SLC38A4: variants seen among roughly 807,000 people sequenced by gnomAD.
SLC38A4 encodes solute carrier family 38 member 4, also known as sodium-coupled neutral amino acid transporter 4.
In SLC38A4, 20 loss-of-function variants were observed where a neutral mutation model predicts 63.1. That is an observed-to-expected ratio of 0.32 (90% confidence interval 0.22 to 0.46). The LOEUF (loss-of-function observed/expected upper bound fraction) is 0.46, where lower values mean the gene tolerates loss of function less well. SLC38A4 is among the 20% of genes least tolerant of loss of function. SLC38A4 has a pLI of 1.00. For missense variants in SLC38A4, 526 were observed against 663.6 expected, an observed-to-expected ratio of 0.79 and a Z score of 2.28; for synonymous variants, 230 against 225.5, an observed-to-expected ratio of 1.02 and a Z score of -0.18.
At chr12:46,786,843 GATATTCAGA>G in intron 5 of SLC38A4, among the ~76,000 whole-genome samples, 1 of 152,126 alleles carries the variant, frequency 6.6e-6, no homozygotes, top group Non-Finnish European at 1.5e-5. Context: ...AATCATATGT[GATATTCAGA>G]ACATAAACAG....
At chr12:46,794,084 A>G (rs1383871129) in intron 2 of SLC38A4, among the ~76,000 whole-genome samples, 2 of 152,178 alleles carry the variant, frequency 1.3e-5, no homozygotes, top group African/African-American at 4.8e-5. Flanking sequence ...TCATTCTTGA[A>G]AAGTGTGGTC....
intron 14 of SLC38A4, among the ~76,000 whole-genome samples, chr12:46,773,346 T>G (rs1938456704): frequency 6.6e-6 from 1 of 152,108 alleles, no homozygotes; most frequent in Non-Finnish European, 1.5e-5. Flanking sequence ...TCCCAGGGAC[T>G]TATGACTCTG....
chr12:46,785,601 G>A (rs768168327), intron 5 of SLC38A4, among the ~76,000 whole-genome samples: 2 of 152,004 alleles, frequency 1.3e-5, no homozygotes, highest in Non-Finnish European at 2.9e-5. Context: ...GAATCCAAAG[G>A]CGAAAGCATG....
chr12:46,791,634 G>T (rs1860372), intron 3 of SLC38A4, among the ~76,000 whole-genome samples: 19,322 of 152,122 alleles, frequency 0.13, 1,899 homozygotes, highest in African/African-American at 0.28. Context: ...AACATTTTGT[G>T]GGAAATCAAT....
intron 1 of SLC38A4, among the ~76,000 whole-genome samples, chr12:46,810,349 T>C (rs1023734452): frequency 6.6e-5 from 10 of 151,710 alleles, no homozygotes; most frequent in Middle Eastern, 6.8e-3. Flanking sequence ...TGAGAAGACA[T>C]GGGCATAGGG....
At chr12:46,824,299 T>A (rs1375609187) in intron 1 of SLC38A4, 1 of 152,208 alleles carries the variant, frequency 6.6e-6, no homozygotes, top group Non-Finnish European at 1.5e-5. Context: ...ATTGTCTAAG[T>A]ACATACTTTT....
At chr12:46,823,197 C>T (rs556048360) in intron 1 of SLC38A4, among the ~76,000 whole-genome samples, 62 of 152,108 alleles carry the variant, frequency 4.1e-4, no homozygotes, top group African/African-American at 1.5e-3. Flanking sequence ...AGTATAAGAG[C>T]GGTATGCAAA....
chr12:46,787,828 C>CA, intron 5 of SLC38A4, 88 bp downstream of exon 5: 1 of 954,306 alleles, frequency 1.0e-6, no homozygotes, highest in South Asian at 1.7e-5. Flanking sequence ...TTCACGTTCA[C>CA]AAAGATCAAA....
chr12:46,768,547 G>T, intron 15 of SLC38A4, 140 bp from the exon 16 acceptor site: 1 of 490,876 alleles, frequency 2.0e-6, no homozygotes, highest in Non-Finnish European at 3.6e-6. Flanking sequence ...AGTCACATAA[G>T]CTCATCTTGG....
At chr12:46,805,789 G>A (rs953848328) in intron 1 of SLC38A4, among the ~76,000 whole-genome samples, 2 of 151,998 alleles carry the variant, frequency 1.3e-5, no homozygotes, top group Non-Finnish European at 2.9e-5. Context: ...AATGAAGCAA[G>A]TCTGGGAATG....
At chr12:46,821,548 T>G (rs1274960503) in intron 1 of SLC38A4, among the ~76,000 whole-genome samples, 1 of 152,054 alleles carries the variant, frequency 6.6e-6, no homozygotes, top group Non-Finnish European at 1.5e-5. Context: ...CCATACAGCT[T>G]TTGTTGTCTT....
chr12:46,782,449 C>T (rs780280612), intron 7 of SLC38A4, among the ~76,000 whole-genome samples: 3 of 151,818 alleles, frequency 2.0e-5, no homozygotes, highest in Non-Finnish European at 2.9e-5. Flanking sequence ...AGCTGAAAAT[C>T]GGTATCATAA....
chr12:46,812,445 T>C (rs980566365), intron 1 of SLC38A4, among the ~76,000 whole-genome samples: 2 of 152,034 alleles, frequency 1.3e-5, no homozygotes, highest in Non-Finnish European at 2.9e-5. Context: ...GAACATGTTC[T>C]CTTCTGTTAT....
At chr12:46,788,697 C>T in intron 3 of SLC38A4, 79 bp from the exon 4 acceptor site, 1 of 1,272,952 alleles carries the variant, frequency 7.9e-7, no homozygotes, top group South Asian at 1.3e-5. Flanking sequence ...TTCAGGTGAT[C>T]TAAGTAACTG....
intron 1 of SLC38A4, among the ~76,000 whole-genome samples, chr12:46,808,523 T>TA (rs5798001): frequency 0.73 from 109,757 of 150,474 alleles, 40,168 homozygotes; most frequent in African/African-American, 0.79. Flanking sequence ...AAAATTAAAT[T>TA]AAAAAAAAAA....
intron 1 of SLC38A4, among the ~76,000 whole-genome samples, chr12:46,814,072 G>A (rs574477897): frequency 6.6e-6 from 1 of 151,970 alleles, no homozygotes; most frequent in East Asian, 1.9e-4. Context: ...TATTGTGAGG[G>A]TTAAATGATG....
In SLC38A4 at chr12:46,803,657, A is replaced by G. The variant is rs1939175282; in HGVS notation, c.-167T>C. The G allele has an allele frequency of 6.6e-6, 1 of 152,012 alleles. No individual in the cohort carries two copies. The highest frequency in any genetic ancestry group is 6.6e-5 in the Admixed American group (1 of 15,214). The allele number at this position is 152,012 out of a possible 1,614,324, so 9.4% of individuals were successfully genotyped here. The stretch of plus-strand genomic sequence containing the variant: ...TTTCCTGACTTGTTTGGAATGGCAG[A>G]CCCGTGTAACAGCTTTGATTTATAT... On this transcript the variant is annotated 5_prime_UTR_variant, in exon 2 of 17. Coordinates refer to ENST00000266579, the MANE Select transcript of SLC38A4 (RefSeq NM_018018.5).
intron 1 of SLC38A4, among the ~76,000 whole-genome samples, chr12:46,807,887 T>C (rs988465302): frequency 1.0e-4 from 6 of 60,020 alleles, no homozygotes; most frequent in Non-Finnish European, 2.4e-4. Flanking sequence ...TAATTAAATG[T>C]TACCCCCCCC....
intron 2 of SLC38A4, among the ~76,000 whole-genome samples, chr12:46,793,605 C>T (rs2465586): frequency 0.065 from 9,945 of 152,180 alleles, 660 homozygotes; most frequent in East Asian, 0.26. Context: ...AGTGTCTCTA[C>T]TAGCAATAAC....
Sources: allele counts gnomAD v4.1 joint callset (sites outside exome capture counted in the v4.1 genomes callset), GRCh38; gene constraint gnomAD v4.1.1; transcripts MANE v1.5; gene names NCBI Gene and HGNC (gene_info 2026-07-23, HGNC 2026-07-21).